Variants in SRSF4 observed in about 807,000 individuals in gnomAD.
The protein encoded by SRSF4 is serine and arginine rich splicing factor 4.
A neutral mutation model predicts 48.8 loss-of-function variants in SRSF4; 12 were observed. That is an observed-to-expected ratio of 0.25 (90% CI 0.16 to 0.40). The LOEUF (loss-of-function observed/expected upper bound fraction) is 0.40, where lower values mean the gene tolerates loss of function less well. Ranked by LOEUF, SRSF4 falls within the 10% of genes least tolerant of loss-of-function variation. The pLI, the probability that SRSF4 is intolerant of heterozygous loss-of-function variation, is 1.00. For synonymous variants in SRSF4, 248 were observed against 232.5 expected (o/e 1.07, Z -0.61); for missense variants, 466 against 667.1 (o/e 0.70, Z 3.32).
At position 29,165,349 on chromosome 1, in the gene SRSF4, G is replaced by A. The variant is rs571607679; in HGVS notation, c.108-4832C>T. ...AGCTGATGTACTGCTCAGGTTATCAGTCATAATTCTGAAAAGGTAGAACTG... is the reference window on the plus strand; with the variant it reads ...AGCTGATGTACTGCTCAGGTTATCAATCATAATTCTGAAAAGGTAGAACTG... On this transcript the variant is annotated intron_variant, in intron 1 of 5. Transcript: ENST00000373795. Among the ~76,000 whole-genome samples the A allele has an allele frequency of 1.1e-4, 16 of 152,300 alleles. No homozygotes were observed. The South Asian group carries it at 1.9e-3, about 18-fold the overall frequency.
chr1:29,177,739 G>A (rs1437974627), intron 1 of SRSF4, among the ~76,000 whole-genome samples: 1 of 152,016 alleles, frequency 6.6e-6, no homozygotes, highest in African/African-American at 2.4e-5. Flanking sequence ...CTACATTAGC[G>A]ATGCCTGGTG....
chr1:29,178,988 A>G (rs1007050206), intron 1 of SRSF4, among the ~76,000 whole-genome samples: 2 of 152,132 alleles, frequency 1.3e-5, no homozygotes, highest in East Asian at 3.9e-4. Flanking sequence ...TTGACTTTCA[A>G]TGACATTTCA....
rs537588446 is a variant in SRSF4 at position 29,181,835 on chromosome 1, C to T, written c.-83G>A. ...CAAAGCGAGAGCACGGCGGCAGCGG[C>T]GGCGGCGGCAACGGGCGGGCGGCGG... On this transcript the variant is annotated 5_prime_UTR_variant, in exon 1 of 6. Coordinates refer to ENST00000373795, the MANE Select transcript of SRSF4 (RefSeq NM_005626.5). The T allele has an allele frequency of 1.5e-5, 18 of 1,210,592 alleles. No individual in the cohort carries two copies. The African/African-American group carries it at 2.4e-4, about 16-fold the overall frequency. The allele number at this position is 1,210,592 out of a possible 1,614,324, so 75.0% of individuals were successfully genotyped here. A position where few individuals can be genotyped will look rare whatever the true frequency, so the allele number is the denominator to read the frequency against.
chr1:29,180,207 G>C (rs192568150), intron 1 of SRSF4, among the ~76,000 whole-genome samples: 1 of 152,186 alleles, frequency 6.6e-6, no homozygotes, highest in Admixed American at 6.5e-5. Context: ...TCCACACTTT[G>C]TCCACAAAAG....
chr1:29,148,300 G>C lies in SRSF4; in HGVS notation c.*110C>G. ...TTAACAATTATAGACACACCATTAG[G>C]GGAGTTAAAAATGTACAGCAGTGAC... On this transcript the variant is annotated 3_prime_UTR_variant, in exon 6 of 6. Transcript: ENST00000373795. The C allele has an allele frequency of 1.5e-6, 2 of 1,369,080 alleles. No individual in the cohort carries two copies. Among genetic ancestry groups the C allele is most frequent in the Non-Finnish European group, 2.0e-6 (2 of 982,972 alleles). 84.8% of individuals were successfully genotyped at this position (1,369,080 alleles called of 1,614,324 possible). A position where few individuals can be genotyped will look rare whatever the true frequency, so the allele number is the denominator to read the frequency against.
intron 1 of SRSF4, 144 bp downstream of exon 1, chr1:29,181,502 C>A (rs1014354973): frequency 1.4e-5 from 9 of 655,638 alleles, no homozygotes; most frequent in Non-Finnish European, 2.1e-5. Context: ...TACCCGCGCC[C>A]CCGAGGCGCC....
chr1:29,179,251 A>G (rs990917787), intron 1 of SRSF4, among the ~76,000 whole-genome samples: 1 of 152,130 alleles, frequency 6.6e-6, no homozygotes, highest in African/African-American at 2.4e-5. Context: ...TCCATGCTAG[A>G]TTGTTTATTA....
intron 1 of SRSF4, among the ~76,000 whole-genome samples, chr1:29,180,381 A>G (rs1320695145): frequency 6.6e-6 from 1 of 152,258 alleles, no homozygotes; most frequent in Non-Finnish European, 1.5e-5. Context: ...TTTACTGTAA[A>G]AGAAATCAGT....
At chr1:29,154,484 G>T in intron 4 of SRSF4, 1 of 565,180 alleles carries the variant, frequency 1.8e-6, no homozygotes, top group Non-Finnish European at 3.1e-6. Context: ...CGTGAGCAAG[G>T]CCTCTGATTT....
chr1:29,172,657 C>A (rs543480535), intron 1 of SRSF4: 2 of 152,136 alleles, frequency 1.3e-5, no homozygotes, highest in Admixed American at 6.5e-5. Flanking sequence ...TCATACACTG[C>A]GGGTGTTAAG....
chr1:29,178,353 C>CTTCTTTTTTT lies in SRSF4; in HGVS notation c.107+3292_107+3293insAAAAAAAGAA, dbSNP rs141096220. 2.5e-3 allele frequency among the ~76,000 whole-genome samples: 325 copies of CTTCTTTTTTT among 127,874 alleles called. 26 individuals carry two copies. The highest frequency in any genetic ancestry group is 5.2e-3 in the African/African-American group (175 of 33,802). The allele number at this position is 127,874 out of a possible 152,430, so 83.9% of individuals were successfully genotyped here. On this transcript the variant is annotated intron_variant, in intron 1 of 5. Transcript: ENST00000373795. Reference sequence around the variant, plus strand: ...AAAATCTGTTTCTGAGTTTCAATTACTTTTTTTTTTGAGACAGAGTCTCGC... The same window carrying CTTCTTTTTTT: ...AAAATCTGTTTCTGAGTTTCAATTACTTCTTTTTTTTTTTTTTTTTGAGACAGAGTCTCGC...
At chr1:29,167,282 C>T (rs1287098039) in intron 1 of SRSF4, among the ~76,000 whole-genome samples, 1 of 152,266 alleles carries the variant, frequency 6.6e-6, no homozygotes, top group Non-Finnish European at 1.5e-5. Flanking sequence ...AATCTTCTTC[C>T]ATATGCTTGA....
At chr1:29,156,788 G>A (rs926499756) in intron 3 of SRSF4, among the ~76,000 whole-genome samples, 1 of 152,226 alleles carries the variant, frequency 6.6e-6, no homozygotes, top group Non-Finnish European at 1.5e-5. Flanking sequence ...TGGCGACGAA[G>A]GAATGAGAAG....
intron 1 of SRSF4, among the ~76,000 whole-genome samples, chr1:29,176,993 A>T (rs1330998025): frequency 7.2e-6 from 1 of 138,028 alleles, no homozygotes; most frequent in Non-Finnish European, 1.7e-5. Context: ...CAGGCAAAAT[A>T]ATCTTAATAT....
At chr1:29,168,037 AC>A (rs1178272426) in intron 1 of SRSF4, among the ~76,000 whole-genome samples, 1 of 150,576 alleles carries the variant, frequency 6.6e-6, no homozygotes, top group Non-Finnish European at 1.5e-5. Flanking sequence ...TTTAAAAAAA[AC>A]ATAGTCTCGC....
chr1:29,154,715 T>G lies in SRSF4; in HGVS notation c.559A>C (p.Arg187=). 1 of 1,614,242 alleles carries G rather than the reference T, an allele frequency of 6.2e-7. No individual in the cohort carries two copies. The highest frequency in any genetic ancestry group is 8.5e-7 in the Non-Finnish European group (1 of 1,180,036). ...PGSRRRRSYS[R]SRSHSRSRSR... ...CAGTACCTTGAATGACTCCGGCTTC[T>G]GGAGTAGGACCGGCGTCGTCTGGAA... The change falls in exon 4 of 6, where the codon AGA becomes CGA. Residue 187 remains arginine, a synonymous_variant. Coordinates refer to ENST00000373795, the MANE Select transcript of SRSF4 (RefSeq NM_005626.5).
intron 4 of SRSF4, 57 bp from the exon 5 acceptor site, chr1:29,150,249 A>C: frequency 8.7e-7 from 1 of 1,151,010 alleles, no homozygotes; most frequent in Non-Finnish European, 1.3e-6. Context: ...GATGAGCATC[A>C]ATCAAGACTA....
chr1:29,173,466 C>CT (rs748265951), intron 1 of SRSF4: 146 of 73,092 alleles, frequency 2.0e-3, no homozygotes, highest in South Asian at 0.018. Flanking sequence ...TTTTTTTTTT[C>CT]TTTTTTTTTT....
chr1:29,159,561 C>A, intron 2 of SRSF4, 75 bp from the exon 3 acceptor site: 4 of 934,586 alleles, frequency 4.3e-6, no homozygotes, highest in Non-Finnish European at 6.6e-6. Context: ...CACACCCCCC[C>A]TTAAATATAT....
Sources: allele counts gnomAD v4.1 joint callset (sites outside exome capture counted in the v4.1 genomes callset), GRCh38; gene constraint gnomAD v4.1.1; transcripts MANE v1.5; gene names NCBI Gene and HGNC (gene_info 2026-07-23, HGNC 2026-07-21).